F2: variants seen among roughly 807,000 people sequenced by gnomAD.
F2 encodes prothrombin.
Under a neutral mutation model 81.9 loss-of-function variants are expected in F2, and 34 were observed. The ratio of observed to expected loss-of-function variants is 0.42; its 90% CI spans 0.32 to 0.55. The LOEUF is 0.55. Among genes scored for constraint, F2 ranks in the 20% least tolerant of loss-of-function variants. The pLI is 0.18. For synonymous variants in F2, 296 were observed against 326.4 expected (o/e 0.91, Z 1.01); for missense variants, 630 against 833.4 (o/e 0.76, Z 3.00).
Position 46,719,753 on chromosome 11 carries a change from C to T in F2, c.131C>T (p.Ala44Val). ...TCGCTGCTCCAGCGGGTCCGGCGAG[C>T]CAACACCTTCTTGGAGGAGGTGCGC... is the stretch of plus-strand genomic sequence containing the variant. ...ARSLLQRVRR[A>V]NTFLEEVRKG... The change falls in exon 2 of 14, where the codon GCC (alanine) becomes GTC (valine). Residue 44 changes from alanine (A) to valine (V), a missense_variant. By Grantham distance (64) the Ala-to-Val change is moderately conservative. Transcript: ENST00000311907. The surrounding 1 kb of genome is among the most constrained non-coding windows in gnomAD (Gnocchi z 4.7). 1 of 1,597,362 alleles carries T rather than the reference C, an allele frequency of 6.3e-7. No homozygotes were observed.
Position 46,719,253 on chromosome 11 carries a change from C to CT in F2, c.20dup (p.Leu7PhefsTer14). 6.2e-7 allele frequency: 1 copy of CT among 1,613,882 alleles called. No homozygotes were observed. The highest frequency in any genetic ancestry group is 8.5e-7 in the Non-Finnish European group (1 of 1,180,030). ...GACACACTATGGCGCACGTCCGAGG[C>CT]TTGCAGCTGCCTGGCTGCCTGGCCC... On this transcript the variant is annotated frameshift_variant, in exon 1 of 14. Coordinates refer to ENST00000311907, the MANE Select transcript of F2 (RefSeq NM_000506.5). LOFTEE classifies it high-confidence loss of function. This position sits in a 1 kb window ranked among gnomAD's most constrained non-coding sequence, Gnocchi z 4.7.
chr11:46,727,124 C>T (rs755393415), intron 9 of F2, among the ~76,000 whole-genome samples: 1 of 152,228 alleles, frequency 6.6e-6, no homozygotes, highest in Non-Finnish European at 1.5e-5. Flanking sequence ...CGGGTTCAAA[C>T]GATTCTCTTG....
intron 12 of F2, among the ~76,000 whole-genome samples, chr11:46,732,399 TTC>T (rs1400887551): frequency 6.6e-6 from 1 of 152,006 alleles, no homozygotes; most frequent in East Asian, 1.9e-4. Flanking sequence ...ACCTTTTTTT[TTC>T]TTTTTTTTTG....
In F2 at chr11:46,719,811, G is replaced by A; in HGVS notation, c.189G>A (p.Glu63=). Residue 63 remains glutamate, a synonymous_variant, in exon 2 of 14, where the codon GAG becomes GAA. Transcript: ENST00000311907. The surrounding 1 kb of genome is among the most constrained non-coding windows in gnomAD (Gnocchi z 4.7). ...KGNLERECVE[E]TCSYEEAFEA... ...ACCTGGAGCGAGAGTGCGTGGAGGA[G>A]ACGTGCAGCTACGAGGAGGCCTTCG... The A allele has an allele frequency of 6.3e-7, 1 of 1,592,934 alleles. No homozygotes were observed.
intron 4 of F2, among the ~76,000 whole-genome samples, chr11:46,721,111 C>A (rs913330275): frequency 2.0e-5 from 3 of 152,060 alleles, no homozygotes; most frequent in African/African-American, 4.8e-5. Context: ...GTGGCACGAT[C>A]TTGGCTCACT....
In F2 at chr11:46,720,826, C is replaced by T. The variant is rs2064831375; in HGVS notation, c.302C>T (p.Ala101Val). Residue 101 changes from alanine to valine, a missense_variant, in exon 4 of 14, where the codon GCT (alanine) becomes GTT (valine). By Grantham distance (64) the Ala-to-Val change is moderately conservative (BLOSUM62 0). Coordinates refer to ENST00000311907, the MANE Select transcript of F2 (RefSeq NM_000506.5). ...ETARTPRDKL[A>V]ACLEGNCAEG... ...GCGAGGACGCCTCGAGATAAGCTTG[C>T]TGCATGTCTGGAAGGTGAGCAACTG... 6.2e-7 allele frequency: 1 copy of T among 1,613,884 alleles called. No individual in the cohort carries two copies. Among genetic ancestry groups the T allele is most frequent in the African/African-American group, 1.3e-5 (1 of 74,914 alleles).
chr11:46,737,670 C>A (rs902240034), intron 12 of F2, among the ~76,000 whole-genome samples: 1 of 151,658 alleles, frequency 6.6e-6, no homozygotes, highest in African/African-American at 2.4e-5. Context: ...GATCTCCTGA[C>A]CTTGTGATCC....
At chr11:46,735,744 A>C (rs965385204) in intron 12 of F2, among the ~76,000 whole-genome samples, 1 of 151,830 alleles carries the variant, frequency 6.6e-6, no homozygotes, top group Non-Finnish European at 1.5e-5. Context: ...CCAACATGGA[A>C]AAACCCTGTC....
At position 46,726,548 on chromosome 11, in the gene F2, A is replaced by G. The variant is rs1258890013; in HGVS notation, c.925A>G (p.Arg309Gly). 3 of 1,614,068 alleles carry G rather than the reference A, an allele frequency of 1.9e-6. No individual in the cohort carries two copies. The highest frequency in any genetic ancestry group is 1.7e-6 in the Non-Finnish European group (2 of 1,179,934). ...AGATGGGCTGGATGAGGACTCAGAC[A>G]GGGCCATCGAAGGGCGTACCGCCAC... is the stretch of plus-strand genomic sequence containing the variant. ...TGDGLDEDSD[R>G]AIEGRTATSE... is the part of the protein sequence containing the mutation. Residue 309 changes from arginine (R) to glycine (G), a missense_variant, in exon 8 of 14, where the codon AGG (arginine) becomes GGG (glycine). Arg to Gly is a moderately radical substitution (Grantham distance 125). Transcript: ENST00000311907. The surrounding 1 kb of genome is among the most constrained non-coding windows in gnomAD (Gnocchi z 5.9).
rs1163551180 is a variant in F2 at position 46,729,475 on chromosome 11, T to A, written c.1568T>A (p.Leu523Gln). Residue 523 changes from leucine (L) to glutamine (Q), a missense_variant, in exon 12 of 14, where the codon CTG becomes CAG. Coordinates refer to ENST00000311907, the MANE Select transcript of F2 (RefSeq NM_000506.5). The stretch of plus-strand genomic sequence containing the variant: ...GTTGGTAAGGGGCAGCCCAGTGTCC[T>A]GCAGGTGGTGAACCTGCCCATTGTG... ...ANVGKGQPSV[L>Q]QVVNLPIVER... The A allele has an allele frequency of 2.5e-6, 4 of 1,614,032 alleles. No homozygotes were observed.
rs556066325 is a variant in F2 at position 46,719,903 on chromosome 11, G to C, written c.240+41G>C. Reference sequence around the variant, plus strand: ...TCGGACGGTGCCGGGGCCTCAGACCGGGCCCAACTCTAGACACTTCCACAG... The same window carrying C: ...TCGGACGGTGCCGGGGCCTCAGACCCGGCCCAACTCTAGACACTTCCACAG... On this transcript the variant is annotated intron_variant, in intron 2 of 13. Coordinates refer to ENST00000311907, the MANE Select transcript of F2 (RefSeq NM_000506.5). The surrounding 1 kb of genome is among the most constrained non-coding windows in gnomAD (Gnocchi z 4.7). 54 of 1,545,368 alleles carry C rather than the reference G, an allele frequency of 3.5e-5. No homozygotes were observed. In the South Asian group the frequency reaches 6.2e-4, roughly 18 times the overall value.
At chr11:46,727,382 C>G (rs1357723538) in intron 9 of F2, among the ~76,000 whole-genome samples, 1 of 152,302 alleles carries the variant, frequency 6.6e-6, no homozygotes, top group East Asian at 1.9e-4. Context: ...GGTGGCTCAC[C>G]TCCGCGCACA....
At chr11:46,722,670 T>C (rs2064844301) in intron 4 of F2, among the ~76,000 whole-genome samples, 1 of 151,894 alleles carries the variant, frequency 6.6e-6, no homozygotes, top group Non-Finnish European at 1.5e-5. Context: ...CACAGGAAAA[T>C]GAGTGTCTGG....
At chr11:46,729,659 C>T in intron 12 of F2, 98 bp downstream of exon 12, 1 of 1,412,634 alleles carries the variant, frequency 7.1e-7, no homozygotes, top group African/African-American at 1.4e-5. Flanking sequence ...AGCAAGTTGC[C>T]TAACCTCTTG....
chr11:46,732,814 A>T (rs1239930104), intron 12 of F2, among the ~76,000 whole-genome samples: 1 of 152,072 alleles, frequency 6.6e-6, no homozygotes, highest in African/African-American at 2.4e-5. Flanking sequence ...TCATTCTTTG[A>T]GTACTTTCTT....
chr11:46,723,319 G>A lies in F2; in HGVS notation c.422+34G>A. The A allele has an allele frequency of 6.2e-7, 1 of 1,613,556 alleles. No homozygotes were observed. The highest frequency in any genetic ancestry group is 8.5e-7 in the Non-Finnish European group (1 of 1,179,506). ...GGGGCCGGCCTTCCCACCATGGGCTGAGAACAGGGAGCAAGCGTACCTCAA... is the reference window on the plus strand; with the variant it reads ...GGGGCCGGCCTTCCCACCATGGGCTAAGAACAGGGAGCAAGCGTACCTCAA... On this transcript the variant is annotated intron_variant, in intron 5 of 13. Transcript: ENST00000311907. This position sits in a 1 kb window ranked among gnomAD's most constrained non-coding sequence, Gnocchi z 5.6.
intron 6 of F2, among the ~76,000 whole-genome samples, chr11:46,725,354 C>G (rs1468596814): frequency 6.6e-6 from 1 of 151,926 alleles, no homozygotes; most frequent in African/African-American, 2.4e-5. Flanking sequence ...CAGGTGTAAG[C>G]CACTGCGCCT....
intron 12 of F2, among the ~76,000 whole-genome samples, chr11:46,730,353 C>A (rs1268456628): frequency 1.3e-5 from 2 of 151,882 alleles, no homozygotes; most frequent in African/African-American, 4.8e-5. Context: ...AGAAGGCCTC[C>A]CTGAGAAGGT....
Position 46,726,181 on chromosome 11 carries a change from G to T in F2, c.874+8G>T. On this transcript the variant is annotated splice_region_variant and intron_variant, in intron 7 of 13. Coordinates refer to ENST00000311907, the MANE Select transcript of F2 (RefSeq NM_000506.5). This position sits in a 1 kb window ranked among gnomAD's most constrained non-coding sequence, Gnocchi z 5.9. ...GCGACCTCAACTATTGTGGTGAGCT[G>T]CCTGGGTAGGGGGCCTGAGTTGCAG... 1 of 1,612,550 alleles carries T rather than the reference G, an allele frequency of 6.2e-7. No homozygotes were observed. Among genetic ancestry groups the T allele is most frequent in the Non-Finnish European group, 8.5e-7 (1 of 1,179,602 alleles).
Sources: allele counts gnomAD v4.1 joint callset (sites outside exome capture counted in the v4.1 genomes callset), GRCh38; gene constraint gnomAD v4.1.1; non-coding constraint Gnocchi (gnomAD v3.1); transcripts MANE v1.5; gene names NCBI Gene and HGNC (gene_info 2026-07-23, HGNC 2026-07-21).